The following RALYL variants were observed in gnomAD, a reference collection of about 807,000 sequenced individuals.
RALYL encodes the protein RNA-binding Raly-like protein.
Under a neutral mutation model 35.1 loss-of-function variants are expected in RALYL, and 29 were observed. That is an observed-to-expected ratio of 0.83 (90% confidence interval 0.61 to 1.13). RALYL has a LOEUF of 1.13. Ranked by LOEUF, RALYL falls within the 50% of genes most tolerant of loss-of-function variation. The pLI, the probability that RALYL is intolerant of heterozygous loss-of-function variation, is 0.00. For missense variants in RALYL, 359 were observed against 360.4 expected (o/e 1.00, Z 0.03); for synonymous variants, 120 against 127.6 (o/e 0.94, Z 0.40).
Position 84,341,348 on chromosome 8 carries a change from CAT to C in RALYL, c.-24+156925_-24+156926del, listed in dbSNP as rs1256571106. ...TAACTGGGTGAAGCGTGCAGGTTAA[CAT>C]GTGAAATTCTGTGCTCAAATTCTAG... On this transcript the variant is annotated intron_variant, in intron 1 of 8. Transcript: ENST00000521268. Among the ~76,000 whole-genome samples, 7 of 151,920 alleles carry C rather than the reference CAT, an allele frequency of 4.6e-5. No homozygotes were observed. The East Asian group carries it at 1.4e-3, about 29-fold the overall frequency.
chr8:84,640,013 G>A (rs1021142074), intron 2 of RALYL, among the ~76,000 whole-genome samples: 40 of 151,954 alleles, frequency 2.6e-4, no homozygotes, highest in African/African-American at 8.2e-4. Flanking sequence ...GCCCATCCCT[G>A]ACTTGGAGGG....
At chr8:84,314,291 A>G (rs1333597279) in intron 1 of RALYL, among the ~76,000 whole-genome samples, 2 of 152,168 alleles carry the variant, frequency 1.3e-5, no homozygotes, top group East Asian at 3.9e-4. Context: ...GGGTGGAGAT[A>G]CAGAGCAACA....
intron 2 of RALYL, among the ~76,000 whole-genome samples, chr8:84,532,440 G>C (rs1184279920): frequency 6.6e-6 from 1 of 151,964 alleles, no homozygotes; most frequent in Non-Finnish European, 1.5e-5. Flanking sequence ...TGCTTCTTGA[G>C]TTTTTTGATT....
chr8:84,794,275 G>A (rs969085746), intron 3 of RALYL, among the ~76,000 whole-genome samples: 1 of 152,220 alleles, frequency 6.6e-6, no homozygotes, highest in Non-Finnish European at 1.5e-5. Context: ...TCTTAAAGTG[G>A]AGTAAAAGAT....
intron 2 of RALYL, among the ~76,000 whole-genome samples, chr8:84,697,506 C>T (rs189375799): frequency 1.6e-3 from 240 of 152,126 alleles, no homozygotes; most frequent in African/African-American, 5.3e-3. Context: ...TAGATTAGTG[C>T]AAATATTATC....
intron 1 of RALYL, among the ~76,000 whole-genome samples, chr8:84,229,459 C>A (rs1408051090): frequency 6.6e-6 from 1 of 152,196 alleles, no homozygotes; most frequent in East Asian, 1.9e-4. Flanking sequence ...CCAATTGCTA[C>A]TTGTGTTTCT....
intron 4 of RALYL, among the ~76,000 whole-genome samples, chr8:84,820,597 G>T (rs1226530524): frequency 6.6e-6 from 1 of 152,016 alleles, no homozygotes; most frequent in Non-Finnish European, 1.5e-5. Flanking sequence ...CAGGTGTGTT[G>T]CATAGGTATA....
intron 1 of RALYL, among the ~76,000 whole-genome samples, chr8:84,266,637 G>A (rs1833350561): frequency 6.6e-6 from 1 of 152,126 alleles, no homozygotes; most frequent in Admixed American, 6.5e-5. Context: ...AGAGTTCCTG[G>A]TGAAATCAAA....
At chr8:84,485,695 A>C (rs886491063) in intron 1 of RALYL, among the ~76,000 whole-genome samples, 1 of 152,174 alleles carries the variant, frequency 6.6e-6, no homozygotes, top group Non-Finnish European at 1.5e-5. Context: ...AAAACCTTGG[A>C]ATTTTTCTTG....
intron 2 of RALYL, among the ~76,000 whole-genome samples, chr8:84,657,281 A>G (rs1417482450): frequency 1.3e-5 from 2 of 152,170 alleles, no homozygotes; most frequent in Non-Finnish European, 2.9e-5. Flanking sequence ...TTGCTTGTTT[A>G]GTATTTGTCC....
At chr8:84,297,015 G>T (rs1304123995) in intron 1 of RALYL, among the ~76,000 whole-genome samples, 6 of 151,276 alleles carry the variant, frequency 4.0e-5, no homozygotes, top group Admixed American at 4.0e-4. Context: ...ATAACGTGTT[G>T]TATGATTAGA....
At chr8:84,779,777 C>T (rs948285630) in intron 3 of RALYL, among the ~76,000 whole-genome samples, 3 of 152,168 alleles carry the variant, frequency 2.0e-5, no homozygotes, top group East Asian at 1.9e-4. Context: ...AAAATATCTC[C>T]GGTGATTCAT....
At chr8:84,343,298 G>A (rs1849205949) in intron 1 of RALYL, among the ~76,000 whole-genome samples, 1 of 152,076 alleles carries the variant, frequency 6.6e-6, no homozygotes, top group Non-Finnish European at 1.5e-5. Flanking sequence ...CAGAAATGCA[G>A]ATAAGCATTG....
At chr8:84,762,237 A>G (rs1385629790) in intron 2 of RALYL, among the ~76,000 whole-genome samples, 2 of 152,192 alleles carry the variant, frequency 1.3e-5, no homozygotes, top group Non-Finnish European at 2.9e-5. Context: ...CAACAGCTAG[A>G]AGAATTTTTA....
At chr8:84,454,752 C>G (rs1259027290) in intron 1 of RALYL, among the ~76,000 whole-genome samples, 1 of 152,040 alleles carries the variant, frequency 6.6e-6, no homozygotes, top group Admixed American at 6.6e-5. Flanking sequence ...AAGTCTCTCC[C>G]ACAATAGAGT....
intron 3 of RALYL, among the ~76,000 whole-genome samples, chr8:84,804,084 T>C (rs528784578): frequency 6.6e-6 from 1 of 152,326 alleles, no homozygotes; most frequent in South Asian, 2.1e-4. Context: ...AGTTAATTTA[T>C]GAAATTAGAA....
chr8:84,477,829 T>G lies in RALYL; in HGVS notation c.-23-51470T>G, dbSNP rs116554058. On this transcript the variant is annotated intron_variant, in intron 1 of 8. Coordinates refer to ENST00000521268, the MANE Select transcript of RALYL (RefSeq NM_173848.7). Reference sequence around the variant, plus strand: ...GTGGAAGTGATATCCTTAACACCCTTATGGAGTAAGAGGAAGATATGACAC... The same window carrying G: ...GTGGAAGTGATATCCTTAACACCCTGATGGAGTAAGAGGAAGATATGACAC... Among the ~76,000 whole-genome samples, 838 of 151,988 alleles carry G rather than the reference T, an allele frequency of 5.5e-3. 10 individuals are homozygous for G. The highest frequency in any genetic ancestry group is 0.019 in the African/African-American group (786 of 41,532).
At chr8:84,487,516 G>A (rs1490084142) in intron 1 of RALYL, among the ~76,000 whole-genome samples, 3 of 152,046 alleles carry the variant, frequency 2.0e-5, no homozygotes, top group African/African-American at 4.8e-5. Context: ...TAAAGTATTA[G>A]ATTTGTTGCC....
intron 1 of RALYL, among the ~76,000 whole-genome samples, chr8:84,331,121 T>G (rs777213997): frequency 6.6e-6 from 1 of 152,094 alleles, no homozygotes; most frequent in Non-Finnish European, 1.5e-5. Flanking sequence ...ATATAAGACA[T>G]TCTAACATAT....
Sources: allele counts gnomAD v4.1 joint callset (sites outside exome capture counted in the v4.1 genomes callset), GRCh38; gene constraint gnomAD v4.1.1; transcripts MANE v1.5; gene names NCBI Gene and HGNC (gene_info 2026-07-23, HGNC 2026-07-21).